Variants in CLXN observed in about 807,000 individuals in gnomAD.
CLXN encodes the protein calaxin.
At chr8:48,727,464 C>A in the CLXN span, among the ~76,000 whole-genome samples, 1 of 152,090 alleles carries the variant, frequency 6.6e-6, no homozygotes, top group Non-Finnish European at 1.5e-5. Context: ...AGACAGGGCT[C>A]TGTGAGGAAG....
At chr8:48,719,605 T>C in the CLXN span, among the ~76,000 whole-genome samples, 2 of 152,232 alleles carry the variant, frequency 1.3e-5, no homozygotes, top group Non-Finnish European at 2.9e-5. Context: ...GATGCAAAGA[T>C]GCTTCAGCAT....
the CLXN span, chr8:48,711,165 G>A: frequency 6.6e-6 from 1 of 152,150 alleles, no homozygotes; most frequent in Non-Finnish European, 1.5e-5. Flanking sequence ...CACCTGGAAA[G>A]CACCACATTA....
At chr8:48,732,480 G>GA in the CLXN span, among the ~76,000 whole-genome samples, 1 of 152,172 alleles carries the variant, frequency 6.6e-6, no homozygotes, top group Admixed American at 6.5e-5. Flanking sequence ...AAAAGTCTGG[G>GA]AAAAAAGATT....
chr8:48,731,481 A>G, the CLXN span: 3 of 1,608,242 alleles, frequency 1.9e-6, no homozygotes, highest in Non-Finnish European at 2.5e-6. Flanking sequence ...GCTTTATAAG[A>G]CAGTTCACTT....
At chr8:48,731,741 G>A in the CLXN span, among the ~76,000 whole-genome samples, 4 of 152,094 alleles carry the variant, frequency 2.6e-5, no homozygotes, top group South Asian at 2.1e-4. Context: ...TATTAGCCAA[G>A]TTACTAGAAT....
the CLXN span, chr8:48,731,402 G>A: frequency 3.2e-5 from 51 of 1,612,576 alleles, no homozygotes; most frequent in East Asian, 3.8e-4. Flanking sequence ...AGGATGTTTC[G>A]AAATGCATTA....
At chr8:48,731,698 GA>G in the CLXN span, among the ~76,000 whole-genome samples, 1 of 47,620 alleles carries the variant, frequency 2.1e-5, no homozygotes, top group Non-Finnish European at 3.9e-5. Flanking sequence ...CTCCAAACAG[GA>G]ATTCCCATGT....
chr8:48,715,196 T>C, the CLXN span: 2 of 152,234 alleles, frequency 1.3e-5, no homozygotes, highest in African/African-American at 4.8e-5. Flanking sequence ...CCTAAATATC[T>C]GAAATATTCT....
the CLXN span, among the ~76,000 whole-genome samples, chr8:48,725,902 A>G: frequency 3.9e-5 from 6 of 152,200 alleles, no homozygotes; most frequent in Non-Finnish European, 5.9e-5. Flanking sequence ...TGTGGTATAA[A>G]GATAAAGGTA....
chr8:48,720,372 A>C, the CLXN span, among the ~76,000 whole-genome samples: 1 of 152,128 alleles, frequency 6.6e-6, no homozygotes, highest in Non-Finnish European at 1.5e-5. Context: ...CCTAGCAAGG[A>C]ATATTAATAT....
chr8:48,716,379 C>T, the CLXN span: 1 of 152,522 alleles, frequency 6.6e-6, no homozygotes. Context: ...TCCACACCTC[C>T]CCACAAGCAG....
the CLXN span, chr8:48,735,238 G>A: frequency 1.1e-5 from 17 of 1,492,570 alleles, no homozygotes; most frequent in African/African-American, 2.2e-4. Flanking sequence ...GAGCCCTGGT[G>A]CTGGGTCAAC....
At chr8:48,726,260 CATCT>C in the CLXN span, among the ~76,000 whole-genome samples, 17 of 140,790 alleles carry the variant, frequency 1.2e-4, no homozygotes, top group South Asian at 1.6e-3. Flanking sequence ...AACCATCCAT[CATCT>C]ATCTATCCAT....
At chr8:48,711,929 C>T in the CLXN span, 1 of 152,182 alleles carries the variant, frequency 6.6e-6, no homozygotes, top group Non-Finnish European at 1.5e-5. Flanking sequence ...TGAGACAATG[C>T]ATGTAAAATG....
chr8:48,731,434 C>G, the CLXN span: 1 of 1,613,554 alleles, frequency 6.2e-7, no homozygotes, highest in Non-Finnish European at 8.5e-7. Context: ...AACAACCAGA[C>G]CTTGCCTCTC....
At chr8:48,729,777 A>C in the CLXN span, 7 of 1,613,626 alleles carry the variant, frequency 4.3e-6, no homozygotes, top group African/African-American at 9.3e-5. Flanking sequence ...GGTCTTCCTC[A>C]GATGGCTGTT....
the CLXN span, chr8:48,730,582 A>T: frequency 6.2e-7 from 1 of 1,612,096 alleles, no homozygotes; most frequent in Non-Finnish European, 8.5e-7. Context: ...AACAGTGATA[A>T]TCCATGAATC....
the CLXN span, among the ~76,000 whole-genome samples, chr8:48,713,009 A>T: frequency 6.8e-6 from 1 of 146,100 alleles, no homozygotes; most frequent in Non-Finnish European, 1.5e-5. Flanking sequence ...AAAAAAAAAA[A>T]GAAAGAAAAA....
At chr8:48,721,158 T>G in the CLXN span, among the ~76,000 whole-genome samples, 3 of 152,172 alleles carry the variant, frequency 2.0e-5, no homozygotes, top group Non-Finnish European at 4.4e-5. Flanking sequence ...CAGTCACGTT[T>G]CTACCCACAA....
Sources: gnomAD v4.1 joint callset for allele counts (sites outside exome capture counted in the v4.1 genomes callset) on GRCh38, gnomAD v4.1.1 for gene constraint, MANE v1.5 for transcripts, NCBI Gene and HGNC (gene_info 2026-07-23, HGNC 2026-07-21) for gene names.